GABRB2: variants seen among roughly 807,000 people sequenced by gnomAD.
GABRB2 encodes gamma-aminobutyric acid receptor subunit beta-2.
GABRB2 carries 16 observed loss-of-function variants against 54.7 expected under a neutral mutation model. That is an observed-to-expected ratio of 0.29 (90% CI 0.20 to 0.44). The LOEUF (loss-of-function observed/expected upper bound fraction) is 0.44. GABRB2 is among the 20% of genes least tolerant of loss of function. The pLI is 1.00. For missense variants in GABRB2, 355 were observed against 644.0 expected, an observed-to-expected ratio of 0.55 and a Z score of 4.86; for synonymous variants, 244 against 233.8, an observed-to-expected ratio of 1.04 and a Z score of -0.40.
chr5:161,442,427 CA>C (rs1332961395), intron 4 of GABRB2, among the ~76,000 whole-genome samples: 1 of 152,156 alleles, frequency 6.6e-6, no homozygotes, highest in Admixed American at 6.5e-5. Context: ...TCCACCAGGA[CA>C]CTGAAGCAGC....
intron 4 of GABRB2, among the ~76,000 whole-genome samples, chr5:161,423,838 A>C (rs958492729): frequency 6.6e-6 from 1 of 152,186 alleles, no homozygotes; most frequent in African/African-American, 2.4e-5. Context: ...TTATGAACGC[A>C]AAACAAAAGT....
At chr5:161,472,142 G>A (rs987635060) in intron 3 of GABRB2, among the ~76,000 whole-genome samples, 2 of 151,592 alleles carry the variant, frequency 1.3e-5, no homozygotes, top group African/African-American at 2.4e-5. Context: ...ATCTACAAAT[G>A]TTTGTTATTA....
intron 3 of GABRB2, among the ~76,000 whole-genome samples, chr5:161,484,587 G>A (rs1758862041): frequency 6.6e-6 from 1 of 151,956 alleles, no homozygotes; most frequent in South Asian, 2.1e-4. Flanking sequence ...TATTTTCATT[G>A]TTAATTTTAC....
intron 3 of GABRB2, among the ~76,000 whole-genome samples, chr5:161,518,287 G>A (rs555354615): frequency 1.6e-4 from 25 of 152,264 alleles, no homozygotes; most frequent in Non-Finnish European, 2.9e-4. Flanking sequence ...GAAACCCTGA[G>A]CTAGAAAAAT....
chr5:161,431,311 T>C (rs1757165528), intron 4 of GABRB2, among the ~76,000 whole-genome samples: 1 of 152,138 alleles, frequency 6.6e-6, no homozygotes. Flanking sequence ...CAATCTATTT[T>C]AATACTCTGA....
At chr5:161,545,366 C>T in intron 2 of GABRB2, 72 bp from the exon 3 acceptor site, 2 of 1,149,818 alleles carry the variant, frequency 1.7e-6, no homozygotes, top group East Asian at 5.4e-5. Context: ...TATCCCTGAG[C>T]ATAAGACACT....
chr5:161,497,281 C>T (rs1405299413), intron 3 of GABRB2, among the ~76,000 whole-genome samples: 1 of 152,116 alleles, frequency 6.6e-6, no homozygotes, highest in African/African-American at 2.4e-5. Flanking sequence ...GCAAACCTCT[C>T]CCAAACCCTG....
At chr5:161,448,807 TTAAGAA>T (rs1311647378) in intron 4 of GABRB2, among the ~76,000 whole-genome samples, 1 of 152,122 alleles carries the variant, frequency 6.6e-6, no homozygotes. Context: ...AGAAACCCCT[TTAAGAA>T]TAATAGATAA....
At chr5:161,461,685 A>C (rs1758122234) in intron 3 of GABRB2, among the ~76,000 whole-genome samples, 1 of 152,210 alleles carries the variant, frequency 6.6e-6, no homozygotes, top group Non-Finnish European at 1.5e-5. Context: ...TTTGAAAAGC[A>C]TAATTACAAT....
intron 3 of GABRB2, among the ~76,000 whole-genome samples, chr5:161,528,164 A>T (rs993112269): frequency 6.6e-6 from 1 of 151,786 alleles, no homozygotes; most frequent in Non-Finnish European, 1.5e-5. Flanking sequence ...TTCACAAAAC[A>T]TTAAGAGCAA....
intron 4 of GABRB2, among the ~76,000 whole-genome samples, chr5:161,445,453 T>C (rs72813565): frequency 0.011 from 1,652 of 152,082 alleles, 18 homozygotes; most frequent in Admixed American, 0.025. Flanking sequence ...AATGGATCCC[T>C]CCTCTCAGCA....
At position 161,526,485 on chromosome 5, in the gene GABRB2, A is replaced by G. The variant is rs570961465; in HGVS notation, c.237+18742T>C. 1.3e-3 allele frequency among the ~76,000 whole-genome samples: 199 copies of G among 151,488 alleles called. 1 individual carries two copies. Among genetic ancestry groups the G allele is most frequent in the Non-Finnish European group, 2.4e-3 (159 of 67,464 alleles). On this transcript the variant is annotated intron_variant, in intron 3 of 9. Transcript: ENST00000393959. The stretch of plus-strand genomic sequence containing the variant: ...TATGGAAGATCTCTTATTTGTAATG[A>G]TATCATTTATATTTCAATTAAGGGA...
intron 5 of GABRB2, among the ~76,000 whole-genome samples, chr5:161,408,260 T>C (rs567870921): frequency 7.2e-5 from 11 of 152,202 alleles, no homozygotes; most frequent in African/African-American, 2.6e-4. Flanking sequence ...AGTATGGTAA[T>C]ATACTACTTA....
chr5:161,318,935 G>A (rs1758124976), intron 9 of GABRB2, among the ~76,000 whole-genome samples: 1 of 151,526 alleles, frequency 6.6e-6, no homozygotes, highest in African/African-American at 2.4e-5. Context: ...TTTTGTTATT[G>A]TTTATATATT....
rs1340958487 is a variant in GABRB2, at chr5:161,292,324, G to C, written c.*1757C>G. The C allele has an allele frequency of 2.0e-5, 3 of 152,090 alleles. No homozygotes were observed. The highest frequency in any genetic ancestry group is 6.6e-5 in the Admixed American group (1 of 15,264). The allele number at this position is 152,090 out of a possible 1,614,324, so 9.4% of individuals were successfully genotyped here. A position where few individuals can be genotyped will look rare whatever the true frequency, so the allele number is the denominator to read the frequency against. On this transcript the variant is annotated 3_prime_UTR_variant, in exon 10 of 10. Transcript: ENST00000393959. The stretch of plus-strand genomic sequence containing the variant: ...TACTCTAAAAAGAAGAGCTTTCTTT[G>C]TTTTCAAAATAGAAATAGCAAAGTC...
chr5:161,463,544 AATATTT>A (rs1475785350), intron 3 of GABRB2, among the ~76,000 whole-genome samples: 2 of 45,254 alleles, frequency 4.4e-5, no homozygotes, highest in African/African-American at 1.4e-4. Context: ...GGTGATTCCA[AATATTT>A]TTATTTATAT....
At chr5:161,426,958 G>T (rs1757019364) in intron 4 of GABRB2, among the ~76,000 whole-genome samples, 1 of 152,158 alleles carries the variant, frequency 6.6e-6, no homozygotes. Flanking sequence ...GAATAGGGTT[G>T]AAAGAATGAG....
At chr5:161,487,767 A>G (rs1327175097) in intron 3 of GABRB2, among the ~76,000 whole-genome samples, 2 of 151,962 alleles carry the variant, frequency 1.3e-5, no homozygotes, top group Admixed American at 6.6e-5. Context: ...AGGACCTAAT[A>G]TATAGTAAAC....
intron 4 of GABRB2, among the ~76,000 whole-genome samples, chr5:161,426,501 G>A (rs758165295): frequency 4.7e-5 from 7 of 148,940 alleles, no homozygotes; most frequent in Non-Finnish European, 8.8e-5. Context: ...GAAAAAAAAT[G>A]TACTTGACTG....
Sources: gnomAD v4.1 joint callset for allele counts (sites outside exome capture counted in the v4.1 genomes callset) on GRCh38, gnomAD v4.1.1 for gene constraint, MANE v1.5 for transcripts, NCBI Gene and HGNC (gene_info 2026-07-23, HGNC 2026-07-21) for gene names.